The following NDST3 variants were observed in gnomAD, a reference collection of about 807,000 sequenced individuals.
The protein encoded by NDST3 is bifunctional heparan sulfate N-deacetylase/N-sulfotransferase 3.
NDST3 carries 58 observed loss-of-function variants against 96.1 expected under a neutral mutation model. The observed-to-expected ratio is 0.60, with a 90% CI of 0.49 to 0.75. The LOEUF is 0.75. NDST3 is among the 30% of genes least tolerant of loss of function. NDST3 has a pLI of 0.00. For missense variants in NDST3, 788 were observed against 1,034.2 expected, an observed-to-expected ratio of 0.76 and a Z score of 3.27; for synonymous variants, 333 against 359.7, an observed-to-expected ratio of 0.93 and a Z score of 0.84.
chr4:118,213,914 A>C (rs1739015370), intron 6 of NDST3, among the ~76,000 whole-genome samples: 1 of 152,136 alleles, frequency 6.6e-6, no homozygotes, highest in African/African-American at 2.4e-5. Flanking sequence ...ATGTAATTAA[A>C]TTAAGTTTAA....
chr4:118,106,231 T>A (rs762680607), intron 3 of NDST3, among the ~76,000 whole-genome samples: 2 of 152,218 alleles, frequency 1.3e-5, no homozygotes, highest in Non-Finnish European at 2.9e-5. Context: ...ATTTTCCTTA[T>A]GGCGTTTTTA....
chr4:118,130,814 T>C (rs1056570892), intron 4 of NDST3, among the ~76,000 whole-genome samples: 1 of 152,212 alleles, frequency 6.6e-6, no homozygotes, highest in Non-Finnish European at 1.5e-5. Flanking sequence ...TTCTCCTTCA[T>C]GCTTGAAGAA....
chr4:118,033,602 C>A, upstream of NDST3: 1 of 151,952 alleles, frequency 6.6e-6, no homozygotes, highest in South Asian at 2.0e-4. Context: ...CGGCGGCTCC[C>A]GCCCGGGAGG....
At chr4:118,225,617 TAC>T (rs1739824916) in intron 7 of NDST3, among the ~76,000 whole-genome samples, 1 of 152,176 alleles carries the variant, frequency 6.6e-6, no homozygotes, top group Admixed American at 6.5e-5. Flanking sequence ...CTACTAGAGT[TAC>T]AGACAGAGCT....
chr4:118,143,995 G>A (rs1282035991), intron 6 of NDST3, among the ~76,000 whole-genome samples: 1 of 143,470 alleles, frequency 7.0e-6, no homozygotes, highest in African/African-American at 2.7e-5. Context: ...CTATTTCCAC[G>A]GGGAACCATT....
At chr4:118,191,245 C>T (rs577802170) in intron 6 of NDST3, among the ~76,000 whole-genome samples, 9 of 152,260 alleles carry the variant, frequency 5.9e-5, no homozygotes, top group African/African-American at 9.6e-5. Flanking sequence ...TTAGATAAGA[C>T]GGCCAGAAAA....
chr4:118,078,178 C>T (rs1432017145), intron 2 of NDST3, among the ~76,000 whole-genome samples: 1 of 152,082 alleles, frequency 6.6e-6, no homozygotes, highest in East Asian at 1.9e-4. Context: ...CCCAGACAGG[C>T]TGGTGCCCAG....
At chr4:118,091,061 CA>C (rs546381851) in intron 2 of NDST3, among the ~76,000 whole-genome samples, 17 of 137,040 alleles carry the variant, frequency 1.2e-4, no homozygotes, top group African/African-American at 3.8e-4. Flanking sequence ...GACTCCATCT[CA>C]AAAAAAAAAC....
At chr4:118,186,920 T>C (rs1164418374) in intron 6 of NDST3, among the ~76,000 whole-genome samples, 1 of 152,352 alleles carries the variant, frequency 6.6e-6, no homozygotes, top group Middle Eastern at 3.4e-3. Context: ...TTTGACATTC[T>C]TGAGATGGCT....
chr4:118,228,359 C>G (rs1740046613), intron 8 of NDST3, among the ~76,000 whole-genome samples: 1 of 152,162 alleles, frequency 6.6e-6, no homozygotes, highest in Non-Finnish European at 1.5e-5. Context: ...ATCCTGAAGG[C>G]TTGGTAGCAT....
chr4:118,161,722 G>A (rs538274897), intron 6 of NDST3, among the ~76,000 whole-genome samples: 22 of 152,216 alleles, frequency 1.4e-4, no homozygotes, highest in Non-Finnish European at 2.4e-4. Context: ...TAAGCCCGTC[G>A]GAAAAGTGCA....
chr4:118,113,584 A>G (rs1160380122), intron 3 of NDST3, among the ~76,000 whole-genome samples: 1 of 152,202 alleles, frequency 6.6e-6, no homozygotes, highest in Non-Finnish European at 1.5e-5. Context: ...TTTCCTGCCA[A>G]TAGGCTCTGC....
At chr4:118,250,342 T>C (rs1466782374) in intron 12 of NDST3, among the ~76,000 whole-genome samples, 4 of 152,268 alleles carry the variant, frequency 2.6e-5, no homozygotes, top group Non-Finnish European at 5.9e-5. Flanking sequence ...GGGATATTTT[T>C]AAAATCAGTC....
chr4:118,037,351 T>C (rs1724207542), intron 1 of NDST3, among the ~76,000 whole-genome samples: 1 of 152,204 alleles, frequency 6.6e-6, no homozygotes, highest in Non-Finnish European at 1.5e-5. Flanking sequence ...TTTTAGCTCA[T>C]ATAATCTTCA....
chr4:118,092,049 C>CTTATTTAT (rs72446384), intron 2 of NDST3, among the ~76,000 whole-genome samples: 22 of 54,764 alleles, frequency 4.0e-4, no homozygotes, highest in African/African-American at 7.3e-4. Flanking sequence ...TAGGTATTTT[C>CTTATTTAT]TTATTTATTT....
chr4:118,046,011 C>A (rs539111164), intron 1 of NDST3, among the ~76,000 whole-genome samples: 6 of 151,618 alleles, frequency 4.0e-5, no homozygotes, highest in Non-Finnish European at 5.9e-5. Context: ...GCTACTCCCA[C>A]GGAGAAAAAC....
At chr4:118,216,473 C>A (rs548867984) in intron 6 of NDST3, among the ~76,000 whole-genome samples, 13 of 152,134 alleles carry the variant, frequency 8.5e-5, no homozygotes, top group Non-Finnish European at 1.8e-4. Context: ...GTAATGACAA[C>A]CCTGTGAGGT....
intron 2 of NDST3, among the ~76,000 whole-genome samples, chr4:118,102,044 A>G (rs1485676362): frequency 1.3e-5 from 2 of 152,046 alleles, no homozygotes; most frequent in Non-Finnish European, 2.9e-5. Context: ...ATTTACCTAT[A>G]TAACTATATG....
At chr4:118,161,214 T>C (rs943381948) in intron 6 of NDST3, among the ~76,000 whole-genome samples, 1 of 152,204 alleles carries the variant, frequency 6.6e-6, no homozygotes, top group African/African-American at 2.4e-5. Flanking sequence ...TGCTGCTGTC[T>C]GATCATTCCT....
Sources: allele counts gnomAD v4.1 joint callset (sites outside exome capture counted in the v4.1 genomes callset), GRCh38; gene constraint gnomAD v4.1.1; transcripts MANE v1.5; gene names NCBI Gene and HGNC (gene_info 2026-07-23, HGNC 2026-07-21).